NUP35: variants seen among roughly 807,000 people sequenced by gnomAD.
NUP35 encodes the protein nucleoporin 35, also known as nucleoporin NUP35.
In NUP35, 25 loss-of-function variants were observed where a neutral mutation model predicts 41.5. The observed-to-expected ratio is 0.60, with a 90% CI of 0.44 to 0.84. NUP35 has a LOEUF of 0.84. Among genes scored for constraint, NUP35 ranks in the 40% least tolerant of loss-of-function variants. NUP35 has a pLI of 0.00. For missense variants in NUP35, 396 were observed against 396.6 expected (o/e 1.00, Z 0.01); for synonymous variants, 149 against 130.7 (o/e 1.14, Z -0.96).
rs187868018 is a variant in NUP35 at position 183,143,703 on chromosome 2, C to T, written c.398-7805C>T. Among the ~76,000 whole-genome samples the T allele has an allele frequency of 4.1e-4, 62 of 152,062 alleles. 1 individual carries two copies. Among genetic ancestry groups the T allele is most frequent in the Admixed American group, 1.2e-3 (18 of 15,270 alleles). On this transcript the variant is annotated intron_variant, in intron 4 of 8. Transcript: ENST00000295119. Reference sequence around the variant, plus strand: ...ATAAGGAGAGGCCTGGTCTGTAAGCCCTTATTATATACTTTACACTAGTTT... The same window carrying T: ...ATAAGGAGAGGCCTGGTCTGTAAGCTCTTATTATATACTTTACACTAGTTT...
intron 4 of NUP35, among the ~76,000 whole-genome samples, chr2:183,135,943 ACACT>A (rs983157567): frequency 6.6e-6 from 1 of 152,210 alleles, no homozygotes; most frequent in Non-Finnish European, 1.5e-5. Flanking sequence ...AATGTATTAA[ACACT>A]CTGGTTAAGG....
At chr2:183,131,219 T>C (rs1408959118) in intron 3 of NUP35, 1 of 161,146 alleles carries the variant, frequency 6.2e-6, no homozygotes, top group Non-Finnish European at 1.4e-5. Context: ...AGCGCTAGAT[T>C]ATAAATGTGA....
chr2:183,156,524 A>G (rs1051354239), intron 5 of NUP35, among the ~76,000 whole-genome samples: 1 of 151,976 alleles, frequency 6.6e-6, no homozygotes, highest in African/African-American at 2.4e-5. Flanking sequence ...TATTTTTAGT[A>G]GAGGCGGGGT....
rs182420028 is a variant in NUP35, at chr2:183,159,538, C to T, written c.789C>T (p.Ala263=). Residue 263 remains alanine, a synonymous_variant, in exon 8 of 9, where the codon GCC becomes GCT. Transcript: ENST00000295119. ...DRCALSSPSL[A]FTPPIKTLGT... ...GTGCTTTATCATCTCCATCTTTAGC[C>T]TTTACACCACCAATCAAAACTCTAG... is the stretch of plus-strand genomic sequence containing the variant. 7.4e-6 allele frequency: 12 copies of T among 1,613,704 alleles called. No homozygotes were observed. In the African/African-American group the frequency reaches 1.2e-4, roughly 16 times the overall value.
intron 4 of NUP35, among the ~76,000 whole-genome samples, chr2:183,146,812 G>C (rs980384769): frequency 5.9e-5 from 9 of 152,134 alleles, no homozygotes; most frequent in Admixed American, 3.3e-4. Flanking sequence ...GTCCAGGCTT[G>C]TCTCGAACTC....
At chr2:183,159,431 T>TA in intron 7 of NUP35, 57 bp from the exon 8 acceptor site, 1 of 1,319,174 alleles carries the variant, frequency 7.6e-7, no homozygotes, top group Non-Finnish European at 1.1e-6. Context: ...TAGGATGTAA[T>TA]ACTGGATGAT....
At chr2:183,121,992 G>A (rs1017389847), upstream of NUP35, among the ~76,000 whole-genome samples, 8 of 150,168 alleles carry the variant, frequency 5.3e-5, no homozygotes, top group Non-Finnish European at 1.0e-4. Flanking sequence ...ATGTATACAT[G>A]TGTAAAGGCC....
chr2:183,149,576 A>G (rs1173548013), intron 4 of NUP35, among the ~76,000 whole-genome samples: 3 of 152,218 alleles, frequency 2.0e-5, no homozygotes, highest in African/African-American at 7.2e-5. Flanking sequence ...AGAGACTGAG[A>G]AAAAGGCAAA....
At chr2:183,128,227 A>G in intron 1 of NUP35, 60 bp from the exon 2 acceptor site, 2 of 1,338,000 alleles carry the variant, frequency 1.5e-6, no homozygotes, top group South Asian at 2.2e-5. Context: ...TGTTTTTGTC[A>G]TCAACATGTA....
chr2:183,121,610 G>A (rs1700068023), upstream of NUP35, among the ~76,000 whole-genome samples: 1 of 151,958 alleles, frequency 6.6e-6, no homozygotes, highest in African/African-American at 2.4e-5. Flanking sequence ...GAGGCAGGTG[G>A]ATCATGAGGT....
chr2:183,129,439 C>T (rs898832343), intron 2 of NUP35, among the ~76,000 whole-genome samples: 2 of 152,010 alleles, frequency 1.3e-5, no homozygotes, highest in African/African-American at 2.4e-5. Context: ...CCTTAATTGC[C>T]CTTTAAAGTA....
At chr2:183,122,600 G>A (rs1185038931), upstream of NUP35, among the ~76,000 whole-genome samples, 4 of 152,094 alleles carry the variant, frequency 2.6e-5, no homozygotes, top group Admixed American at 2.6e-4. Context: ...GTTGTATAGT[G>A]TTCTTTTGTT....
At chr2:183,132,766 A>G (rs1056881682) in intron 3 of NUP35, among the ~76,000 whole-genome samples, 20 of 152,182 alleles carry the variant, frequency 1.3e-4, no homozygotes, top group African/African-American at 4.1e-4. Flanking sequence ...TTATTGCTAG[A>G]TTAGAGCCCA....
At chr2:183,144,605 C>G (rs1043987929) in intron 4 of NUP35, among the ~76,000 whole-genome samples, 2 of 151,218 alleles carry the variant, frequency 1.3e-5, no homozygotes, top group East Asian at 3.9e-4. Context: ...GTCTTTTGCC[C>G]TCTGCTTTAA....
intron 4 of NUP35, among the ~76,000 whole-genome samples, chr2:183,136,855 TGAGGAGTGC>T (rs2105564194): frequency 6.6e-6 from 1 of 152,158 alleles, no homozygotes; most frequent in Non-Finnish European, 1.5e-5. Flanking sequence ...TTTAGGAGGC[TGAGGAGTGC>T]AGCTCACTTG....
chr2:183,125,872 C>G (rs1684449927), intron 1 of NUP35, among the ~76,000 whole-genome samples: 1 of 152,168 alleles, frequency 6.6e-6, no homozygotes, highest in African/African-American at 2.4e-5. Context: ...CTTTTGGGAG[C>G]ACAGAATATG....
intron 1 of NUP35, chr2:183,118,863 T>C (rs1249835629): frequency 6.6e-6 from 1 of 152,244 alleles, no homozygotes; most frequent in Non-Finnish European, 1.5e-5. Context: ...TTTTACATGT[T>C]GGCATACTTC....
intron 2 of NUP35, 47 bp from the exon 3 acceptor site, chr2:183,130,371 C>G (rs1177684011): frequency 6.7e-7 from 1 of 1,500,400 alleles, no homozygotes; most frequent in Middle Eastern, 2.4e-4. Context: ...AAAAATCTTA[C>G]CAAAAAGAAG....
chr2:183,159,995 T>A, intron 8 of NUP35: 1 of 183,578 alleles, frequency 5.4e-6, no homozygotes, highest in Non-Finnish European at 1.1e-5. Flanking sequence ...ATGACTAAAT[T>A]GATGGTATCC....
Sources: allele counts gnomAD v4.1 joint callset (sites outside exome capture counted in the v4.1 genomes callset), GRCh38; gene constraint gnomAD v4.1.1; transcripts MANE v1.5; gene names NCBI Gene and HGNC (gene_info 2026-07-23, HGNC 2026-07-21).